The following STK3 variants were observed in gnomAD, a reference collection of about 807,000 sequenced individuals.
STK3 encodes serine/threonine kinase 3.
In STK3, 41 loss-of-function variants were observed where a neutral mutation model predicts 58.0. The observed-to-expected ratio is 0.71, with a 90% confidence interval of 0.55 to 0.92. The LOEUF (loss-of-function observed/expected upper bound fraction) is 0.92. Ranked by LOEUF, STK3 falls within the 40% of genes least tolerant of loss-of-function variation. The pLI is 0.00. For synonymous variants in STK3, 170 were observed against 191.0 expected, an observed-to-expected ratio of 0.89 and a Z score of 0.91; for missense variants, 479 against 602.7, an observed-to-expected ratio of 0.79 and a Z score of 2.15.
chr8:98,579,715 AGC>A lies in STK3; in HGVS notation c.895_896del (p.Ala299Ter). The A allele has an allele frequency of 6.2e-7, 1 of 1,610,554 alleles. No homozygotes were observed. Among genetic ancestry groups the A allele is most frequent in the Admixed American group, 1.7e-5 (1 of 59,364 alleles). On this transcript the variant is annotated frameshift_variant, in exon 8 of 11. Transcript: ENST00000419617. LOFTEE classifies it high-confidence loss of function. Reference protein sequence around the residue: ...DLITEAMEIKAKRHEEQQREL... With the variant: ...DLITEAMEIKXKRHEEQQREL... ...CTCGTTGCTGTTCCTCATGTCTTTT[AGC>A]TTTGATCTCCATAGCTTCTGTGATC...
intron 3 of STK3, among the ~76,000 whole-genome samples, chr8:98,752,725 C>A (rs977121672): frequency 6.6e-6 from 1 of 150,882 alleles, no homozygotes; most frequent in Non-Finnish European, 1.5e-5. Flanking sequence ...TAATATCCAG[C>A]AGCTATAAGG....
chr8:98,747,872 C>G (rs1829743293), intron 4 of STK3, among the ~76,000 whole-genome samples: 1 of 152,104 alleles, frequency 6.6e-6, no homozygotes, highest in Admixed American at 6.6e-5. Context: ...TACAACTCCC[C>G]AACATGCTCA....
At chr8:98,606,969 T>C (rs1816824529) in intron 6 of STK3, among the ~76,000 whole-genome samples, 1 of 152,198 alleles carries the variant, frequency 6.6e-6, no homozygotes, top group Non-Finnish European at 1.5e-5. Context: ...TAAGTGTAGC[T>C]GGTATCTGAA....
At chr8:98,668,823 C>T (rs1822559532) in intron 6 of STK3, among the ~76,000 whole-genome samples, 1 of 151,966 alleles carries the variant, frequency 6.6e-6, no homozygotes, top group Non-Finnish European at 1.5e-5. Flanking sequence ...TACAAATTTC[C>T]TTCTCAGAGG....
chr8:98,922,366 C>T (rs1839598174), intron 1 of STK3, among the ~76,000 whole-genome samples: 1 of 152,196 alleles, frequency 6.6e-6, no homozygotes, highest in South Asian at 2.1e-4. Flanking sequence ...TCTCTGGAAC[C>T]ACCTACCTCC....
At chr8:98,426,649 G>T (rs563693856) in intron 3 of STK3, among the ~76,000 whole-genome samples, 68 of 152,316 alleles carry the variant, frequency 4.5e-4, no homozygotes, top group Non-Finnish European at 2.9e-4. Context: ...GACACCTGGA[G>T]TTCCTCCGGT....
At chr8:98,466,758 A>G (rs2131199665) in intron 10 of STK3, among the ~76,000 whole-genome samples, 1 of 152,030 alleles carries the variant, frequency 6.6e-6, no homozygotes, top group East Asian at 1.9e-4. Context: ...CCTAGTGCCC[A>G]CCCCTTTTAT....
chr8:98,893,481 A>AGAAG lies in STK3; in HGVS notation c.-78-9648_-78-9647insCTTC, dbSNP rs1322671552. On this transcript the variant is annotated intron_variant, in intron 1 of 1. Coordinates refer to the STK3 transcript ENST00000519420. ...AAGAAAGAAAGAAAGAAAGAAAGAA[A>AGAAG]GAAAGAGAAAGAAAGAAAGAAAGAA... Among the ~76,000 whole-genome samples the AGAAG allele has an allele frequency of 2.8e-3, 200 of 70,298 alleles. 1 individual carries two copies. Among genetic ancestry groups the AGAAG allele is most frequent in the Non-Finnish European group, 3.6e-3 (128 of 35,234 alleles). 46.1% of individuals were successfully genotyped at this position (70,298 alleles called of 152,430 possible). A position where few individuals can be genotyped will look rare whatever the true frequency, so the allele number is the denominator to read the frequency against.
intron 6 of STK3, among the ~76,000 whole-genome samples, chr8:98,699,126 T>C (rs1825289878): frequency 1.3e-5 from 2 of 152,256 alleles, no homozygotes; most frequent in Non-Finnish European, 2.9e-5. Flanking sequence ...CTTCCATCAC[T>C]GATACCCTTT....
chr8:98,637,042 C>A (rs1343636627), intron 6 of STK3, among the ~76,000 whole-genome samples: 1 of 150,028 alleles, frequency 6.7e-6, no homozygotes. Context: ...ACTTAATATA[C>A]ATCATTTGTA....
chr8:98,909,142 C>T (rs1178541816), intron 1 of STK3, among the ~76,000 whole-genome samples: 1 of 152,186 alleles, frequency 6.6e-6, no homozygotes, highest in Admixed American at 6.5e-5. Flanking sequence ...GCCTGGGCAA[C>T]AGAGTGAGAC....
chr8:98,428,313 G>T lies in STK3; in HGVS notation n.483+5814C>A. On this transcript the variant is annotated intron_variant and non_coding_transcript_variant, in intron 3 of 3. Transcript: ENST00000517832. This position sits in a 1 kb window ranked among gnomAD's most constrained non-coding sequence, Gnocchi z 6.7. The stretch of plus-strand genomic sequence containing the variant: ...GGAGATCGAGTACTGGGGCATCAAC[G>T]AGTTCTTCATTGACTCCTGCTGCAG... 1 of 1,614,130 alleles carries T rather than the reference G, an allele frequency of 6.2e-7. No homozygotes were observed. Among genetic ancestry groups the T allele is most frequent in the Non-Finnish European group, 8.5e-7 (1 of 1,180,034 alleles).
chr8:98,764,972 G>A (rs527251325), intron 3 of STK3, among the ~76,000 whole-genome samples: 119 of 152,256 alleles, frequency 7.8e-4, no homozygotes, highest in Non-Finnish European at 1.2e-3. Flanking sequence ...TGGAAAGAAC[G>A]CTCTAGCTTC....
intron 3 of STK3, among the ~76,000 whole-genome samples, chr8:98,414,742 T>C: frequency 6.6e-6 from 1 of 152,312 alleles, no homozygotes; most frequent in South Asian, 2.1e-4. Context: ...ACAAATGACA[T>C]GCCAGTGGGT....
intron 7 of STK3, among the ~76,000 whole-genome samples, chr8:98,590,422 T>A (rs1447024895): frequency 6.6e-6 from 1 of 152,094 alleles, no homozygotes; most frequent in Non-Finnish European, 1.5e-5. Context: ...GCCGAGAAGA[T>A]CTGGGAAGGA....
intron 1 of STK3, among the ~76,000 whole-genome samples, chr8:98,904,136 C>T (rs1433292565): frequency 6.6e-6 from 1 of 152,118 alleles, no homozygotes; most frequent in Non-Finnish European, 1.5e-5. Context: ...CAACACAACC[C>T]CCAATGGTCC....
At chr8:98,492,248 G>C (rs1424650772) in intron 10 of STK3, among the ~76,000 whole-genome samples, 1 of 152,172 alleles carries the variant, frequency 6.6e-6, no homozygotes, top group African/African-American at 2.4e-5. Context: ...CAATGAGAGA[G>C]AGAAGTAAAA....
At chr8:98,871,025 T>C (rs1837356553) in intron 3 of STK3, among the ~76,000 whole-genome samples, 1 of 152,186 alleles carries the variant, frequency 6.6e-6, no homozygotes, top group Non-Finnish European at 1.5e-5. Flanking sequence ...TTGTATAAGG[T>C]TTAAGGAAGG....
chr8:98,664,496 T>G (rs751644911), intron 6 of STK3, among the ~76,000 whole-genome samples: 1 of 152,224 alleles, frequency 6.6e-6, no homozygotes, highest in Non-Finnish European at 1.5e-5. Flanking sequence ...ATACTATTGC[T>G]GTACAATGCC....
Sources: gnomAD v4.1 joint callset for allele counts (sites outside exome capture counted in the v4.1 genomes callset) on GRCh38, gnomAD v4.1.1 for gene constraint, Gnocchi (gnomAD v3.1) non-coding constraint, MANE v1.5 for transcripts, NCBI Gene and HGNC (gene_info 2026-07-23, HGNC 2026-07-21) for gene names.